Variants in CLASP2 observed in about 807,000 individuals in gnomAD.
CLASP2 encodes the protein CLIP-associating protein 2.
A neutral mutation model predicts 194.4 loss-of-function variants in CLASP2; 47 were observed. The observed-to-expected ratio is 0.24, with a 90% CI of 0.19 to 0.31. The LOEUF (loss-of-function observed/expected upper bound fraction) is 0.31. Ranked by LOEUF, CLASP2 falls within the 10% of genes least tolerant of loss-of-function variation. CLASP2 has a pLI of 1.00. For missense variants in CLASP2, 1,445 were observed against 1,823.6 expected (o/e 0.79, Z 3.78); for synonymous variants, 619 against 633.5 (o/e 0.98, Z 0.34).
intron 33 of CLASP2, among the ~76,000 whole-genome samples, chr3:33,536,994 G>A (rs2057458568): frequency 1.3e-5 from 2 of 152,178 alleles, no homozygotes; most frequent in Admixed American, 6.5e-5. Context: ...AGAGGTCTGA[G>A]CTGAATAGAG....
intron 1 of CLASP2, among the ~76,000 whole-genome samples, chr3:33,711,466 G>A (rs2093004933): frequency 6.7e-6 from 1 of 150,214 alleles, no homozygotes; most frequent in Admixed American, 6.6e-5. Context: ...CACCATGTTG[G>A]CCAGGCTGGT....
At chr3:33,707,448 A>G (rs1268603168) in intron 1 of CLASP2, among the ~76,000 whole-genome samples, 1 of 152,240 alleles carries the variant, frequency 6.6e-6, no homozygotes, top group Admixed American at 6.5e-5. Flanking sequence ...AAATGGGGAA[A>G]GTTTCTCCTT....
intron 6 of CLASP2, among the ~76,000 whole-genome samples, chr3:33,672,824 C>A (rs946821459): frequency 6.6e-6 from 1 of 152,058 alleles, no homozygotes; most frequent in African/African-American, 2.4e-5. Flanking sequence ...ATGCGATCAA[C>A]TGGAAGAAAG....
chr3:33,550,392 C>CAAAAAAA (rs555351261), intron 30 of CLASP2, among the ~76,000 whole-genome samples: 7 of 51,648 alleles, frequency 1.4e-4, no homozygotes, highest in African/African-American at 3.9e-4. Context: ...GAGACTGCCT[C>CAAAAAAA]AAAAAAAAAA....
intron 7 of CLASP2, 56 bp downstream of exon 7, chr3:33,663,389 T>C (rs1164223362): frequency 8.3e-6 from 11 of 1,317,824 alleles, no homozygotes; most frequent in Non-Finnish European, 1.2e-5. Context: ...TACATTTTAG[T>C]GCCTAAAACT....
At chr3:33,705,838 C>T (rs1373835348) in intron 1 of CLASP2, among the ~76,000 whole-genome samples, 2 of 152,074 alleles carry the variant, frequency 1.3e-5, no homozygotes, top group African/African-American at 4.8e-5. Context: ...GAAGACTACC[C>T]TAATTCTGCT....
chr3:33,675,621 C>G (rs1422207815), intron 6 of CLASP2, among the ~76,000 whole-genome samples: 1 of 150,006 alleles, frequency 6.7e-6, no homozygotes, highest in African/African-American at 2.4e-5. Flanking sequence ...AAAGGGTATT[C>G]AATTAGGAAA....
rs1293550276 is a variant in CLASP2, at chr3:33,554,745, A to G, written c.3010-3350T>C. The G allele has an allele frequency of 1.0e-4, 16 of 153,734 alleles. No homozygotes were observed. The Admixed American group carries it at 1.0e-3, about 10-fold the overall frequency. The allele number at this position is 153,734 out of a possible 1,614,324, so 9.5% of individuals were successfully genotyped here. A position where few individuals can be genotyped will look rare whatever the true frequency, so the allele number is the denominator to read the frequency against. The stretch of plus-strand genomic sequence containing the variant: ...GTATCCCTGGGGGTAGCAGCTCTTT[A>G]TAAGTTTGCTGTATCTAAACCAGGA... On this transcript the variant is annotated intron_variant, in intron 29 of 38. Coordinates refer to ENST00000682230, the MANE Select transcript of CLASP2 (RefSeq NM_001365631.1).
At chr3:33,520,820 T>TAC (rs57151303) in intron 34 of CLASP2, among the ~76,000 whole-genome samples, 9,050 of 142,394 alleles carry the variant, frequency 0.064, 323 homozygotes, top group Middle Eastern at 0.12. Flanking sequence ...TGTAAATCTC[T>TAC]ACACACACAC....
At chr3:33,528,038 C>G (rs937088835) in intron 34 of CLASP2, among the ~76,000 whole-genome samples, 1 of 152,054 alleles carries the variant, frequency 6.6e-6, no homozygotes, top group Non-Finnish European at 1.5e-5. Context: ...AATGCAAAAT[C>G]CTCAAGAAAA....
At chr3:33,661,834 A>G (rs1225644164) in intron 7 of CLASP2, among the ~76,000 whole-genome samples, 1 of 152,180 alleles carries the variant, frequency 6.6e-6, no homozygotes, top group East Asian at 1.9e-4. Flanking sequence ...AGAGAGAATA[A>G]AAACAGGGAA....
intron 27 of CLASP2, 40 bp from the exon 28 acceptor site, chr3:33,561,011 G>A: frequency 6.4e-7 from 1 of 1,562,060 alleles, no homozygotes; most frequent in Non-Finnish European, 8.8e-7. Context: ...GAAAAAAAGA[G>A]GAAATATTGA....
chr3:33,528,766 T>TAAAG (rs985484587), intron 34 of CLASP2, among the ~76,000 whole-genome samples: 4 of 140,660 alleles, frequency 2.8e-5, no homozygotes, highest in Non-Finnish European at 4.7e-5. Flanking sequence ...CATCTCGAAA[T>TAAAG]AAAGAAAGAA....
intron 36 of CLASP2, among the ~76,000 whole-genome samples, chr3:33,514,254 T>C (rs2050679488): frequency 2.6e-5 from 4 of 152,284 alleles, no homozygotes; most frequent in Admixed American, 2.6e-4. Flanking sequence ...CCCAAAGTGC[T>C]GGGATTACAG....
intron 26 of CLASP2, among the ~76,000 whole-genome samples, chr3:33,569,101 A>G (rs934910035): frequency 3.3e-5 from 5 of 152,212 alleles, no homozygotes; most frequent in Admixed American, 2.6e-4. Context: ...TAAGAATTTT[A>G]TGTTGCTATA....
In CLASP2 at chr3:33,718,085, C is replaced by T; in HGVS notation, c.-83G>A. ...GCCCAGCCTCCAGTGCGGGTCCCCG[C>T]GGGAGCGGGCGGGACTCACTTAGCC... On this transcript the variant is annotated 5_prime_UTR_variant, in exon 1 of 39. Coordinates refer to ENST00000682230, the MANE Select transcript of CLASP2 (RefSeq NM_001365631.1). 7.3e-7 allele frequency: 1 copy of T among 1,366,122 alleles called. No homozygotes were observed. The highest frequency in any genetic ancestry group is 2.8e-5 in the East Asian group (1 of 35,406). 84.6% of individuals were successfully genotyped at this position (1,366,122 alleles called of 1,614,324 possible). A position where few individuals can be genotyped will look rare whatever the true frequency, so the allele number is the denominator to read the frequency against.
chr3:33,519,062 C>T (rs1414704196), intron 34 of CLASP2, among the ~76,000 whole-genome samples: 1 of 152,090 alleles, frequency 6.6e-6, no homozygotes, highest in Non-Finnish European at 1.5e-5. Flanking sequence ...CATCTGCCTC[C>T]TAGGGTCATG....
At chr3:33,633,895 T>C (rs1327309751) in intron 8 of CLASP2, among the ~76,000 whole-genome samples, 1 of 152,086 alleles carries the variant, frequency 6.6e-6, no homozygotes, top group Non-Finnish European at 1.5e-5. Context: ...TATGAGAATA[T>C]CTAACTAACA....
chr3:33,709,526 T>G (rs7641020), intron 1 of CLASP2, among the ~76,000 whole-genome samples: 66,497 of 151,838 alleles, frequency 0.44, 14,872 homozygotes, highest in Admixed American at 0.53. Context: ...GAGGAGATTT[T>G]ATGACAGAAC....
Sources: gnomAD v4.1 joint callset for allele counts (sites outside exome capture counted in the v4.1 genomes callset) on GRCh38, gnomAD v4.1.1 for gene constraint, MANE v1.5 for transcripts, NCBI Gene and HGNC (gene_info 2026-07-23, HGNC 2026-07-21) for gene names.